Variants in KCNS3 observed in about 807,000 individuals in gnomAD.
KCNS3 encodes delayed-rectifier potassium channel regulatory subunit KCNS3.
In KCNS3, 13 loss-of-function variants were observed where a neutral mutation model predicts 31.0. That is an observed-to-expected ratio of 0.42 (90% CI 0.27 to 0.67). KCNS3 has a LOEUF of 0.67. Ranked by LOEUF, KCNS3 falls within the 30% of genes least tolerant of loss-of-function variation. The pLI, the probability that KCNS3 is intolerant of heterozygous loss-of-function variation, is 0.25. For missense variants in KCNS3, 545 were observed against 622.4 expected, an observed-to-expected ratio of 0.88 and a Z score of 1.32; for synonymous variants, 238 against 241.5, an observed-to-expected ratio of 0.99 and a Z score of 0.13.
intron 1 of KCNS3, among the ~76,000 whole-genome samples, chr2:17,909,350 A>G (rs2125244747): frequency 6.6e-6 from 1 of 152,224 alleles, no homozygotes; most frequent in East Asian, 1.9e-4. Context: ...TCCAGGTGCC[A>G]TCTGTCACCC....
Position 17,901,278 on chromosome 2 carries a change from G to A in KCNS3, c.-251-16402G>A, listed in dbSNP as rs1257886264. ...GGGACAGTTAGGTGTCTGTTGTGGT[G>A]AACCAGTGGAAAAATACCGAGTATC... On this transcript the variant is annotated intron_variant, in intron 1 of 2. Transcript: ENST00000304101. 2.6e-5 allele frequency among the ~76,000 whole-genome samples: 4 copies of A among 152,214 alleles called. No individual in the cohort carries two copies. The East Asian group carries it at 5.8e-4, about 22-fold the overall frequency.
intron 1 of KCNS3, among the ~76,000 whole-genome samples, chr2:17,915,619 A>T (rs1164864670): frequency 6.6e-6 from 1 of 152,168 alleles, no homozygotes; most frequent in Non-Finnish European, 1.5e-5. Context: ...TCCCCCATAT[A>T]AAATGGGGAT....
chr2:17,913,074 AT>A lies in KCNS3; in HGVS notation c.-251-4598del, dbSNP rs771491934. Among the ~76,000 whole-genome samples the A allele has an allele frequency of 1.3e-4, 20 of 152,054 alleles. No homozygotes were observed. In the East Asian group the frequency reaches 2.9e-3, roughly 22 times the overall value. On this transcript the variant is annotated intron_variant, in intron 1 of 2. Coordinates refer to ENST00000304101, the MANE Select transcript of KCNS3 (RefSeq NM_002252.5). ...GATTATAGGATTTAAATATCAGTAC[AT>A]TTTTTTTCTAGCACACTAAATCCAA...
At chr2:17,884,268 AATATATATAT>A (rs1227638443) in intron 1 of KCNS3, among the ~76,000 whole-genome samples, 87 of 46,676 alleles carry the variant, frequency 1.9e-3, no homozygotes, top group African/African-American at 1.5e-3. Context: ...AAAAAAAAAA[AATATATATAT>A]ATATATATAT....
intron 1 of KCNS3, among the ~76,000 whole-genome samples, chr2:17,889,235 T>C (rs1019035921): frequency 6.6e-6 from 1 of 152,198 alleles, no homozygotes; most frequent in African/African-American, 2.4e-5. Flanking sequence ...GCTTGGTCGC[T>C]GTTGGTGTAT....
At chr2:17,895,516 A>G (rs557377355) in intron 1 of KCNS3, among the ~76,000 whole-genome samples, 2 of 152,322 alleles carry the variant, frequency 1.3e-5, no homozygotes, top group South Asian at 2.1e-4. Flanking sequence ...AGCCCTCTCC[A>G]CAACATTTTG....
At chr2:17,901,485 G>A (rs1004312131) in intron 1 of KCNS3, among the ~76,000 whole-genome samples, 2 of 152,152 alleles carry the variant, frequency 1.3e-5, no homozygotes, top group Non-Finnish European at 1.5e-5. Context: ...AGGGAATAGA[G>A]GATGAAGGGA....
chr2:17,884,268 A>AATATAT (rs1227638443), intron 1 of KCNS3, among the ~76,000 whole-genome samples: 1,130 of 46,392 alleles, frequency 0.024, 12 homozygotes, highest in Non-Finnish European at 0.035. Context: ...AAAAAAAAAA[A>AATATAT]ATATATATAT....
chr2:17,895,529 C>G (rs544822296), intron 1 of KCNS3, among the ~76,000 whole-genome samples: 1 of 152,164 alleles, frequency 6.6e-6, no homozygotes, highest in South Asian at 2.1e-4. Context: ...ACATTTTGAG[C>G]AGGAAAACCC....
intron 1 of KCNS3, among the ~76,000 whole-genome samples, chr2:17,900,036 T>C (rs1293892040): frequency 6.6e-6 from 1 of 152,108 alleles, no homozygotes; most frequent in Non-Finnish European, 1.5e-5. Flanking sequence ...AGAGCGGGCG[T>C]GGTCTCTGTG....
At chr2:17,916,406 G>A (rs1662586966) in intron 1 of KCNS3, among the ~76,000 whole-genome samples, 1 of 152,078 alleles carries the variant, frequency 6.6e-6, no homozygotes, top group Non-Finnish European at 1.5e-5. Flanking sequence ...GGAGGAAGGA[G>A]GAGGAGTTTA....
At chr2:17,913,043 G>A (rs1273796238) in intron 1 of KCNS3, among the ~76,000 whole-genome samples, 1 of 152,170 alleles carries the variant, frequency 6.6e-6, no homozygotes, top group Non-Finnish European at 1.5e-5. Context: ...GATTCTGATT[G>A]CTTTGGATTA....
Position 17,931,727 on chromosome 2 carries a change from G to A in KCNS3, c.719G>A (p.Arg240Gln), listed in dbSNP as rs777876799. The A allele has an allele frequency of 1.3e-5, 21 of 1,614,028 alleles. No homozygotes were observed. The highest frequency in any genetic ancestry group is 6.7e-5 in the East Asian group (3 of 44,880). ...TGGTTCACCGGGGAGCTTGCCGTCC[G>A]GCTGGCTGCCGCTCCTTGTCAAAAG... ...IAWFTGELAV[R>Q]LAAAPCQKKF... Residue 240 changes from arginine (R) to glutamine (Q), a missense_variant, in exon 3 of 3, where the codon CGG becomes CAG. Transcript: ENST00000304101. This position sits in a 1 kb window ranked among gnomAD's most constrained non-coding sequence, Gnocchi z 5.4.
chr2:17,906,254 G>A (rs1662311755), intron 1 of KCNS3, among the ~76,000 whole-genome samples: 1 of 152,206 alleles, frequency 6.6e-6, no homozygotes, highest in African/African-American at 2.4e-5. Context: ...GCATAGAGAT[G>A]TTTATAGTAT....
At chr2:17,908,267 G>T (rs1662384372) in intron 1 of KCNS3, among the ~76,000 whole-genome samples, 1 of 152,120 alleles carries the variant, frequency 6.6e-6, no homozygotes, top group South Asian at 2.1e-4. Flanking sequence ...ACTGAAGCTT[G>T]TGCATTCGTC....
intron 1 of KCNS3, among the ~76,000 whole-genome samples, chr2:17,906,150 T>A (rs1306940078): frequency 6.6e-6 from 1 of 152,212 alleles, no homozygotes; most frequent in Non-Finnish European, 1.5e-5. Flanking sequence ...CTGTTATTGG[T>A]CTATTCAGGG....
intron 2 of KCNS3, chr2:17,919,536 T>C (rs1422949266): frequency 6.6e-6 from 1 of 152,254 alleles, no homozygotes; most frequent in African/African-American, 2.4e-5. Flanking sequence ...TTGATGCTGA[T>C]AATTCAGCAT....
intron 1 of KCNS3, among the ~76,000 whole-genome samples, chr2:17,902,471 A>G (rs1401963080): frequency 2.0e-5 from 3 of 152,134 alleles, no homozygotes; most frequent in Non-Finnish European, 4.4e-5. Flanking sequence ...AAGAATTACA[A>G]AAGGTCTAGT....
intron 1 of KCNS3, among the ~76,000 whole-genome samples, chr2:17,898,244 G>GT (rs34039979): frequency 5.4e-4 from 67 of 124,392 alleles, no homozygotes; most frequent in Admixed American, 8.1e-4. Context: ...ATGCCTCTAG[G>GT]TTTTTTTTTT....
Sources: allele counts gnomAD v4.1 joint callset (sites outside exome capture counted in the v4.1 genomes callset), GRCh38; gene constraint gnomAD v4.1.1; non-coding constraint Gnocchi (gnomAD v3.1); transcripts MANE v1.5; gene names NCBI Gene and HGNC (gene_info 2026-07-23, HGNC 2026-07-21).